The following OR1J2 variants were observed in gnomAD, a reference collection of about 807,000 sequenced individuals.
OR1J2 encodes olfactory receptor 1J2.
For missense variants in OR1J2, 304 were observed against 246.1 expected, an observed-to-expected ratio of 1.24 and a Z score of -1.57; for synonymous variants, 142 against 99.7, an observed-to-expected ratio of 1.42 and a Z score of -2.52.
the OR1J2 span, among the ~76,000 whole-genome samples, chr9:122,462,546 A>G: frequency 6.6e-6 from 1 of 152,224 alleles, no homozygotes; most frequent in South Asian, 2.1e-4. Flanking sequence ...AGGAGATTCT[A>G]TTCTGGTGTA....
the OR1J2 span, among the ~76,000 whole-genome samples, chr9:122,516,834 G>A: frequency 1.3e-5 from 2 of 152,196 alleles, no homozygotes; most frequent in African/African-American, 4.8e-5. Flanking sequence ...GTGGTTGGAT[G>A]CTGCCTTTCT....
At chr9:122,568,254 G>A in the OR1J2 span, 1 of 1,614,062 alleles carries the variant, frequency 6.2e-7, no homozygotes, top group Non-Finnish European at 8.5e-7. Context: ...AACGCTTGTT[G>A]TAAAGCAAAT....
At chr9:122,473,034 C>T in the OR1J2 span, among the ~76,000 whole-genome samples, 1 of 152,146 alleles carries the variant, frequency 6.6e-6, no homozygotes, top group African/African-American at 2.4e-5. Context: ...TCTATATACC[C>T]TTTCCTTATT....
Position 122,511,616 on chromosome 9 carries a change from T to C in OR1J2, c.815T>C (p.Val272Ala), listed in dbSNP as rs748713108. The stretch of plus-strand genomic sequence containing the variant: ...GTAAGCAGTTCTATTGACAAGGATG[T>C]CATTGTGGCTCTCATGTACACGGTG... ...PTVSSSIDKDVIVALMYTVVT... is the reference protein window; with the variant it reads ...PTVSSSIDKDAIVALMYTVVT... The change falls in exon 1 of 1, where the codon GTC becomes GCC. Residue 272 changes from valine to alanine, a missense_variant. Val to Ala is a moderately conservative substitution (Grantham distance 64, BLOSUM62 0). Coordinates refer to ENST00000335302, the MANE Select transcript of OR1J2 (RefSeq NM_054107.1). The C allele has an allele frequency of 5.1e-6, 4 of 781,106 alleles. No individual in the cohort carries two copies. The South Asian group carries it at 5.4e-5, about 10-fold the overall frequency. 48.4% of individuals were successfully genotyped at this position (781,106 alleles called of 1,614,324 possible).
chr9:122,571,886 A>T, the OR1J2 span, among the ~76,000 whole-genome samples: 1 of 152,140 alleles, frequency 6.6e-6, no homozygotes, highest in African/African-American at 2.4e-5. Context: ...GTATTAGTCT[A>T]TTCTTACACT....
At chr9:122,525,848 G>GTCTT in the OR1J2 span, among the ~76,000 whole-genome samples, 1 of 152,042 alleles carries the variant, frequency 6.6e-6, no homozygotes, top group East Asian at 1.9e-4. Flanking sequence ...TATTTCTTTT[G>GTCTT]TCTTACTCCC....
the OR1J2 span, among the ~76,000 whole-genome samples, chr9:122,474,395 T>G: frequency 2.0e-5 from 3 of 152,202 alleles, no homozygotes; most frequent in Non-Finnish European, 4.4e-5. Context: ...GAGACTGACT[T>G]CCAGCTGTTT....
chr9:122,463,513 T>C, the OR1J2 span, among the ~76,000 whole-genome samples: 2 of 152,196 alleles, frequency 1.3e-5, no homozygotes, highest in Non-Finnish European at 2.9e-5. Context: ...TTTTGTCATA[T>C]TGCCAGCACT....
chr9:122,544,575 T>C, the OR1J2 span, among the ~76,000 whole-genome samples: 7 of 151,956 alleles, frequency 4.6e-5, no homozygotes, highest in Non-Finnish European at 1.0e-4. Flanking sequence ...CATGTGCCAC[T>C]ATGCCTGGCT....
chr9:122,577,082 T>A, the OR1J2 span, among the ~76,000 whole-genome samples: 82 of 152,346 alleles, frequency 5.4e-4, 2 homozygotes, highest in East Asian at 0.014. Context: ...TTTCTACTGC[T>A]GCTAGTAGTG....
chr9:122,531,279 G>T, the OR1J2 span, among the ~76,000 whole-genome samples: 1 of 152,194 alleles, frequency 6.6e-6, no homozygotes, highest in Non-Finnish European at 1.5e-5. Flanking sequence ...TGCCAGCAAA[G>T]ATTGTTTATT....
At chr9:122,498,407 C>T in the OR1J2 span, among the ~76,000 whole-genome samples, 2 of 152,140 alleles carry the variant, frequency 1.3e-5, no homozygotes, top group Non-Finnish European at 2.9e-5. Context: ...AATCTTTATT[C>T]TGCTTGGTCC....
chr9:122,534,059 T>C, the OR1J2 span, among the ~76,000 whole-genome samples: 15 of 152,272 alleles, frequency 9.9e-5, no homozygotes, highest in Admixed American at 7.8e-4. Flanking sequence ...GGGCTGCCGG[T>C]ATTCCGTGGC....
chr9:122,553,850 C>T, the OR1J2 span: 5 of 1,613,918 alleles, frequency 3.1e-6, no homozygotes, highest in East Asian at 1.1e-4. Flanking sequence ...TCACTGTTCC[C>T]CTCCTGCTGA....
the OR1J2 span, among the ~76,000 whole-genome samples, chr9:122,563,813 T>A: frequency 3.9e-4 from 60 of 152,344 alleles, no homozygotes; most frequent in African/African-American, 1.3e-3. Flanking sequence ...AGAGATCTAG[T>A]TATTCTTTTG....
the OR1J2 span, chr9:122,519,327 C>T: frequency 2.5e-6 from 4 of 1,614,136 alleles, no homozygotes; most frequent in Non-Finnish European, 3.4e-6. Context: ...GTTCTTCTTC[C>T]TCAGCCACTT....
downstream of OR1J2, among the ~76,000 whole-genome samples, chr9:122,515,327 C>T (rs1039791657): frequency 6.8e-6 from 1 of 147,024 alleles, no homozygotes; most frequent in Admixed American, 6.7e-5. Context: ...CAGATCAGGA[C>T]TGGGTATCCT....
chr9:122,556,784 A>C, the OR1J2 span, among the ~76,000 whole-genome samples: 4 of 152,204 alleles, frequency 2.6e-5, no homozygotes, highest in Non-Finnish European at 5.9e-5. Context: ...TGATATCCAC[A>C]AAGTAACTTG....
the OR1J2 span, among the ~76,000 whole-genome samples, chr9:122,518,388 G>T: frequency 6.6e-6 from 1 of 152,208 alleles, no homozygotes; most frequent in Admixed American, 6.5e-5. Flanking sequence ...CCCAGATCAA[G>T]GTACCAGCAG....
Sources: gnomAD v4.1 joint callset for allele counts (sites outside exome capture counted in the v4.1 genomes callset) on GRCh38, gnomAD v4.1.1 for gene constraint, MANE v1.5 for transcripts, NCBI Gene and HGNC (gene_info 2026-07-23, HGNC 2026-07-21) for gene names.